Variants in FILIP1 observed in about 807,000 individuals in gnomAD.
The protein encoded by FILIP1 is filamin-A-interacting protein 1.
In FILIP1, 61 loss-of-function variants were observed where a neutral mutation model predicts 102.1. The observed-to-expected ratio is 0.60, with a 90% confidence interval of 0.49 to 0.74. The LOEUF (loss-of-function observed/expected upper bound fraction) is 0.74, where lower values mean the gene tolerates loss of function less well. Among genes scored for constraint, FILIP1 ranks in the 30% least tolerant of loss-of-function variants. The pLI, the probability that FILIP1 is intolerant of heterozygous loss-of-function variation, is 0.00. For missense variants in FILIP1, 1,314 were observed against 1,441.2 expected (o/e 0.91, Z 1.43); for synonymous variants, 491 against 526.9 (o/e 0.93, Z 0.93).
At chr6:75,450,465 A>G (rs1778589710) in intron 1 of FILIP1, among the ~76,000 whole-genome samples, 1 of 152,014 alleles carries the variant, frequency 6.6e-6, no homozygotes, top group South Asian at 2.1e-4. Context: ...TGGGCAATAA[A>G]GCAAGACCAT....
chr6:75,409,058 T>C (rs938010153), intron 2 of FILIP1, among the ~76,000 whole-genome samples: 57 of 152,208 alleles, frequency 3.7e-4, no homozygotes, highest in Non-Finnish European at 1.5e-4. Context: ...CTAAAAAGTT[T>C]CATCTTTTCA....
chr6:75,308,959 A>G, intron 5 of FILIP1, 62 bp from the exon 6 acceptor site: 1 of 1,573,916 alleles, frequency 6.4e-7, no homozygotes, highest in Non-Finnish European at 8.7e-7. Flanking sequence ...TGGATATGCC[A>G]TCAATCTGAA....
At position 75,353,424 on chromosome 6, in the gene FILIP1, A is replaced by G. The variant is rs1774877203; in HGVS notation, c.629+115T>C. 9 of 1,069,676 alleles carry G rather than the reference A, an allele frequency of 8.4e-6. No homozygotes were observed. In the South Asian group the frequency reaches 1.1e-4, roughly 13 times the overall value. 66.3% of individuals were successfully genotyped at this position (1,069,676 alleles called of 1,614,324 possible). On this transcript the variant is annotated intron_variant, in intron 4 of 5. Transcript: ENST00000237172. ...CCACCCATTCAAAAATTGACATTAG[A>G]CCCTGGGCACCTGTCCACGATGCCC...
At chr6:75,389,796 A>G (rs1776222777) in intron 2 of FILIP1, among the ~76,000 whole-genome samples, 1 of 151,390 alleles carries the variant, frequency 6.6e-6, no homozygotes, top group Admixed American at 6.6e-5. Flanking sequence ...CGGTCTATCT[A>G]TTTTGCCATC....
At chr6:75,372,021 A>T (rs1028720455) in intron 2 of FILIP1, among the ~76,000 whole-genome samples, 1 of 152,178 alleles carries the variant, frequency 6.6e-6, no homozygotes, top group African/African-American at 2.4e-5. Context: ...GTGGAAAGCA[A>T]CCCATAAAAT....
At position 75,313,907 on chromosome 6, in the gene FILIP1, C is replaced by A. The variant is rs757991673; in HGVS notation, c.1925G>T (p.Arg642Leu). The A allele has an allele frequency of 4.3e-6, 7 of 1,613,834 alleles. No individual in the cohort carries two copies. In the South Asian group the frequency reaches 7.7e-5, roughly 18 times the overall value. The change falls in exon 5 of 6, where the codon CGT (arginine) becomes CTT (leucine). Residue 642 changes from arginine (R) to leucine (L), a missense_variant. By Grantham distance (102) the Arg-to-Leu change is moderately radical (BLOSUM62 -2). Coordinates refer to ENST00000237172, the MANE Select transcript of FILIP1 (RefSeq NM_015687.5). The surrounding 1 kb of genome is among the most constrained non-coding windows in gnomAD (Gnocchi z 4.2). The part of the protein sequence containing the change: ...LTLEIERLKK[R>L]LQQLEVVEGD... ...TTCGACCACTTCCAATTGTTGGAGA[C>A]GTTTCTTCAGTCTCTCAATTTCAAG...
At chr6:75,342,432 T>A (rs1774444893) in intron 4 of FILIP1, among the ~76,000 whole-genome samples, 1 of 152,230 alleles carries the variant, frequency 6.6e-6, no homozygotes, top group Non-Finnish European at 1.5e-5. Flanking sequence ...AATACAATGA[T>A]CTTCATTTTT....
intron 1 of FILIP1, among the ~76,000 whole-genome samples, chr6:75,424,773 A>G (rs1562580697): frequency 6.6e-6 from 1 of 152,174 alleles, no homozygotes; most frequent in Non-Finnish European, 1.5e-5. Context: ...GGGGTGAAAG[A>G]CATGCTGTGA....
chr6:75,425,405 G>C (rs1777595580), intron 1 of FILIP1, among the ~76,000 whole-genome samples: 3 of 152,106 alleles, frequency 2.0e-5, no homozygotes, highest in Non-Finnish European at 4.4e-5. Context: ...AGCGTGGGCA[G>C]GAAGTATATA....
intron 1 of FILIP1, among the ~76,000 whole-genome samples, chr6:75,445,617 AT>A (rs200129252): frequency 0.013 from 1,938 of 144,504 alleles, 51 homozygotes; most frequent in East Asian, 0.12. Context: ...ACCACATTTA[AT>A]TTTTTTTTTT....
At chr6:75,384,566 TCTAGTAGGAGTGAGATTTCGGAAGGTTA>T (rs1776019125) in intron 2 of FILIP1, among the ~76,000 whole-genome samples, 1 of 152,118 alleles carries the variant, frequency 6.6e-6, no homozygotes, top group African/African-American at 2.4e-5. Context: ...GACTTTATAA[TCTAGTAGGAGTGAGATTTCGGAAGGTTA>T]CTCCTATAGC....
intron 4 of FILIP1, among the ~76,000 whole-genome samples, chr6:75,333,994 A>G (rs992474877): frequency 3.3e-5 from 5 of 152,196 alleles, no homozygotes; most frequent in African/African-American, 9.7e-5. Flanking sequence ...ATCGCTATGC[A>G]TTCTAATTCA....
chr6:75,402,443 G>T (rs1004308093), intron 2 of FILIP1, among the ~76,000 whole-genome samples: 1 of 152,126 alleles, frequency 6.6e-6, no homozygotes, highest in African/African-American at 2.4e-5. Flanking sequence ...GGGCAGCCTC[G>T]CTCAGGGTGA....
At chr6:75,363,411 CATT>C (rs1562503696) in intron 2 of FILIP1, among the ~76,000 whole-genome samples, 1 of 152,190 alleles carries the variant, frequency 6.6e-6, no homozygotes, top group Admixed American at 6.5e-5. Flanking sequence ...TCCTGTTTCT[CATT>C]AGGTGATTCA....
intron 2 of FILIP1, among the ~76,000 whole-genome samples, chr6:75,387,142 G>A (rs1340344899): frequency 1.3e-5 from 2 of 152,046 alleles, no homozygotes; most frequent in Non-Finnish European, 2.9e-5. Context: ...TCCTGTGTTA[G>A]TTTGCTGAGA....
chr6:75,465,549 TGAA>T, intron 1 of FILIP1: 2 of 595,194 alleles, frequency 3.4e-6, no homozygotes, highest in Non-Finnish European at 5.9e-6. Context: ...TTCAGCTGCC[TGAA>T]GGACAGTTTC....
chr6:75,369,398 A>G (rs1775444351), intron 2 of FILIP1, among the ~76,000 whole-genome samples: 1 of 152,346 alleles, frequency 6.6e-6, no homozygotes, highest in South Asian at 2.1e-4. Flanking sequence ...AAGAGACTGG[A>G]TATTCCATAA....
intron 2 of FILIP1, among the ~76,000 whole-genome samples, chr6:75,408,797 T>C (rs1776957104): frequency 6.6e-6 from 1 of 152,230 alleles, no homozygotes; most frequent in African/African-American, 2.4e-5. Context: ...ATTTTCTTTG[T>C]ATGTCACCCT....
At chr6:75,395,600 T>C (rs1183051264) in intron 2 of FILIP1, among the ~76,000 whole-genome samples, 3 of 152,300 alleles carry the variant, frequency 2.0e-5, no homozygotes, top group Non-Finnish European at 2.9e-5. Flanking sequence ...ATATATAAAC[T>C]TTACCCCTAG....
Sources: allele counts gnomAD v4.1 joint callset (sites outside exome capture counted in the v4.1 genomes callset), GRCh38; gene constraint gnomAD v4.1.1; non-coding constraint Gnocchi (gnomAD v3.1); transcripts MANE v1.5; gene names NCBI Gene and HGNC (gene_info 2026-07-23, HGNC 2026-07-21).